Variants in ZNF564 observed in about 807,000 individuals in gnomAD.
The protein encoded by ZNF564 is zinc finger protein 564.
A neutral mutation model predicts 10.5 loss-of-function variants in ZNF564; 5 were observed. That is an observed-to-expected ratio of 0.48 (90% CI 0.25 to 1.00). The LOEUF (loss-of-function observed/expected upper bound fraction) is 1.00, where lower values mean the gene tolerates loss of function less well. Ranked by LOEUF, ZNF564 falls within the 50% of genes least tolerant of loss-of-function variation. ZNF564 has a pLI of 0.16. For missense variants in ZNF564, 603 were observed against 669.7 expected, an observed-to-expected ratio of 0.90 and a Z score of 1.10; for synonymous variants, 242 against 218.1, an observed-to-expected ratio of 1.11 and a Z score of -0.97.
intron 1 of ZNF564, among the ~76,000 whole-genome samples, chr19:12,529,265 G>C (rs1223486933): frequency 3.3e-5 from 5 of 151,920 alleles, no homozygotes; most frequent in Non-Finnish European, 5.9e-5. Flanking sequence ...GTCTCTAATG[G>C]CAGGATCCAG....
intron 1 of ZNF564, among the ~76,000 whole-genome samples, chr19:12,543,308 A>G (rs1374788145): frequency 6.7e-6 from 1 of 148,902 alleles, no homozygotes; most frequent in Non-Finnish European, 1.5e-5. Flanking sequence ...TCTCAGAAAA[A>G]AAAAAAAAAG....
intron 1 of ZNF564, among the ~76,000 whole-genome samples, chr19:12,539,925 G>A (rs193168934): frequency 2.0e-5 from 3 of 150,986 alleles, no homozygotes; most frequent in African/African-American, 7.3e-5. Flanking sequence ...AGCTTGCAGT[G>A]AGCCGAGATC....
rs868257948 is a variant in ZNF564 at position 12,527,174 on chromosome 19, T to C, written c.934A>G (p.Lys312Glu). ...AAAATAAAGGCTCTCCCACATACTT[T>C]ACATTTATAAGGTCCATCCCCAGTG... ...RHTGDGPYKC[K>E]VCGRAFIFPS... Residue 312 changes from lysine (K) to glutamate (E), a missense_variant, in exon 4 of 4, where the codon AAA (lysine) becomes GAA (glutamate). Coordinates refer to ENST00000339282, the MANE Select transcript of ZNF564 (RefSeq NM_144976.4). 1 of 1,613,692 alleles carries C rather than the reference T, an allele frequency of 6.2e-7. No individual in the cohort carries two copies. Among genetic ancestry groups the C allele is most frequent in the Non-Finnish European group, 8.5e-7 (1 of 1,179,916 alleles).
At chr19:12,545,367 C>G (rs1292515604) in intron 1 of ZNF564, among the ~76,000 whole-genome samples, 1 of 152,018 alleles carries the variant, frequency 6.6e-6, no homozygotes, top group African/African-American at 2.4e-5. Flanking sequence ...CGATTCTCAC[C>G]AGTGACCAGA....
chr19:12,527,421 T>C lies in ZNF564; in HGVS notation c.687A>G (p.Glu229=). 2 of 1,614,068 alleles carry C rather than the reference T, an allele frequency of 1.2e-6. No individual in the cohort carries two copies. The highest frequency in any genetic ancestry group is 1.1e-5 in the South Asian group (1 of 91,072). ...HTGEKPYECQ[E]CAKAFISLPS... is the part of the protein sequence containing the mutation. ...GAAGAGAAATGAAAGCTTTTGCACA[T>C]TCCTGACATTCATAGGGTTTCTCTC... Residue 229 remains glutamate (E), a synonymous_variant, in exon 4 of 4, where the codon GAA becomes GAG. Coordinates refer to ENST00000339282, the MANE Select transcript of ZNF564 (RefSeq NM_144976.4).
chr19:12,539,691 A>G (rs540958797), intron 1 of ZNF564, among the ~76,000 whole-genome samples: 11 of 130,964 alleles, frequency 8.4e-5, no homozygotes, highest in African/African-American at 3.2e-4. Flanking sequence ...AGAAAAAGAA[A>G]AAGGCCAGGC....
At chr19:12,536,762 C>T (rs988834120) in intron 1 of ZNF564, among the ~76,000 whole-genome samples, 4 of 151,982 alleles carry the variant, frequency 2.6e-5, no homozygotes, top group Admixed American at 6.6e-5. Flanking sequence ...TTTGGGAAGC[C>T]GATAGAGTGA....
chr19:12,548,280 C>G (rs1330453388), intron 1 of ZNF564: 4 of 661,112 alleles, frequency 6.1e-6, no homozygotes, highest in Non-Finnish European at 7.5e-6. Context: ...TCCAGTGGCA[C>G]GATCCCGGCT....
intron 1 of ZNF564, 23 bp downstream of exon 1, chr19:12,551,307 G>A (rs1262717196): frequency 2.5e-6 from 4 of 1,605,512 alleles, no homozygotes; most frequent in African/African-American, 1.3e-5. Context: ...CCAGTCTCCA[G>A]GCGCCCGGCC....
rs535587905 is a variant in ZNF564 at position 12,548,523 on chromosome 19, G to C, written c.3+2807C>G. Among the ~76,000 whole-genome samples, 142 of 152,192 alleles carry C rather than the reference G, an allele frequency of 9.3e-4. 1 individual carries two copies. Among genetic ancestry groups the C allele is most frequent in the African/African-American group, 3.1e-3 (130 of 41,542 alleles). ...AGCCACCGTGCCCGGCCAATTTTTT[G>C]TATTTTTTAGTAGAGACGGGGTTTC... On this transcript the variant is annotated intron_variant, in intron 1 of 3. Transcript: ENST00000339282.
intron 1 of ZNF564, among the ~76,000 whole-genome samples, chr19:12,532,703 G>C (rs1282590388): frequency 2.0e-5 from 3 of 151,696 alleles, no homozygotes; most frequent in Non-Finnish European, 4.4e-5. Flanking sequence ...CAGCCTGGGA[G>C]ACACAGTGAG....
intron 1 of ZNF564, among the ~76,000 whole-genome samples, chr19:12,532,534 CAAAAAAA>C (rs35579003): frequency 1.3e-4 from 5 of 39,240 alleles, no homozygotes; most frequent in Admixed American, 3.6e-4. Context: ...GACTCCGTCT[CAAAAAAA>C]AAAAAAAAAA....
Position 12,527,338 on chromosome 19 carries a change from T to G in ZNF564, c.770A>C (p.Glu257Ala), listed in dbSNP as rs1335379367. The G allele has an allele frequency of 1.9e-6, 3 of 1,612,184 alleles. No individual in the cohort carries two copies. The African/African-American group carries it at 4.0e-5, about 22-fold the overall frequency. The change falls in exon 4 of 4, where the codon GAA becomes GCA. Residue 257 changes from glutamate to alanine, a missense_variant. Physicochemically the swap from Glu to Ala is moderately radical, Grantham distance 107. Transcript: ENST00000339282. ...GGGGCGGTCAAAGGCTTTTCCACAT[T>G]CCTGACATTTATAAGGTCCATCTCC... ...HTGDGPYKCQECGKAFDRPSL... is the reference protein window; with the variant it reads ...HTGDGPYKCQACGKAFDRPSL...
intron 1 of ZNF564, among the ~76,000 whole-genome samples, chr19:12,539,826 G>C (rs934647825): frequency 6.7e-6 from 1 of 149,770 alleles, no homozygotes; most frequent in Non-Finnish European, 1.5e-5. Context: ...CTACAAAAAA[G>C]AAAAATTAGC....
intron 1 of ZNF564, among the ~76,000 whole-genome samples, chr19:12,533,727 C>CAAAAAAAAAAAAAAAAAA (rs59631972): frequency 1.7e-4 from 5 of 29,182 alleles, no homozygotes; most frequent in Non-Finnish European, 2.7e-4. Flanking sequence ...CTGCTGTCTC[C>CAAAAAAAAAAAAAAAAAA]AAAAAAAAAA....
intron 1 of ZNF564, among the ~76,000 whole-genome samples, chr19:12,545,104 T>C (rs904537958): frequency 2.6e-5 from 4 of 151,600 alleles, no homozygotes; most frequent in African/African-American, 9.7e-5. Flanking sequence ...CTACTAAAAA[T>C]ACAAAAAATT....
At chr19:12,547,663 G>C (rs183022021) in intron 1 of ZNF564, among the ~76,000 whole-genome samples, 339 of 152,274 alleles carry the variant, frequency 2.2e-3, no homozygotes, top group Non-Finnish European at 3.6e-3. Flanking sequence ...TGGTTGGAGT[G>C]ATAAGGCTGG....
rs372203144 is a variant in ZNF564, at chr19:12,540,682, G to A, written c.3+10648C>T. 2.1e-4 allele frequency among the ~76,000 whole-genome samples: 32 copies of A among 152,140 alleles called. No individual in the cohort carries two copies. In the East Asian group the frequency reaches 3.1e-3, roughly 15 times the overall value. On this transcript the variant is annotated intron_variant, in intron 1 of 3. Coordinates refer to ENST00000339282, the MANE Select transcript of ZNF564 (RefSeq NM_144976.4). Reference sequence around the variant, plus strand: ...ATCCTGGCTAACATGATGAAACCCCGTCTCTACTAAAAACACAAAAAATTA... The same window carrying A: ...ATCCTGGCTAACATGATGAAACCCCATCTCTACTAAAAACACAAAAAATTA...
chr19:12,526,323 C>T lies in ZNF564; in HGVS notation c.*123G>A. The stretch of plus-strand genomic sequence containing the variant: ...ATGAGACAGGCACAGGATAGAGATT[C>T]CTATTCCAAAAGTGAGAAACAGGAG... On this transcript the variant is annotated 3_prime_UTR_variant, in exon 4 of 4. Coordinates refer to ENST00000339282, the MANE Select transcript of ZNF564 (RefSeq NM_144976.4). 9.8e-7 allele frequency: 1 copy of T among 1,024,848 alleles called. No individual in the cohort carries two copies. Among genetic ancestry groups the T allele is most frequent in the South Asian group, 1.7e-5 (1 of 58,424 alleles). 63.5% of individuals were successfully genotyped at this position (1,024,848 alleles called of 1,614,324 possible).
Sources: allele counts gnomAD v4.1 joint callset (sites outside exome capture counted in the v4.1 genomes callset), GRCh38; gene constraint gnomAD v4.1.1; transcripts MANE v1.5; gene names NCBI Gene and HGNC (gene_info 2026-07-23, HGNC 2026-07-21).